The following SFXN4 variants were observed in gnomAD, a reference collection of about 807,000 sequenced individuals.
SFXN4 encodes sideroflexin 4.
In SFXN4, 48 loss-of-function variants were observed where a neutral mutation model predicts 54.6. That is an observed-to-expected ratio of 0.88 (90% CI 0.70 to 1.12). The LOEUF (loss-of-function observed/expected upper bound fraction) is 1.12. Among genes scored for constraint, SFXN4 ranks in the 50% most tolerant of loss-of-function variants. SFXN4 has a pLI of 0.00. For missense variants in SFXN4, 383 were observed against 409.2 expected (o/e 0.94, Z 0.55); for synonymous variants, 130 against 145.5 (o/e 0.89, Z 0.77).
chr10:119,157,554 C>T, intron 9 of SFXN4, 114 bp downstream of exon 9: 1 of 838,640 alleles, frequency 1.2e-6, no homozygotes, highest in Non-Finnish European at 1.9e-6. Context: ...CTTTTATTTC[C>T]TAGTCATATT....
At chr10:119,141,340 T>A (rs1041674765) in intron 13 of SFXN4, 21 bp from the exon 14 acceptor site, 7 of 1,448,762 alleles carry the variant, frequency 4.8e-6, no homozygotes, top group Non-Finnish European at 6.7e-6. Flanking sequence ...GTTAAATTCA[T>A]AATGTTTCTA....
In SFXN4 at chr10:119,165,592, T is replaced by C; in HGVS notation, c.56A>G (p.Asp19Gly). 1 of 1,594,054 alleles carries C rather than the reference T, an allele frequency of 6.3e-7. No homozygotes were observed. Among genetic ancestry groups the C allele is most frequent in the South Asian group, 1.1e-5 (1 of 90,418 alleles). Reference sequence around the variant, plus strand: ...GGGCTCAATGAAGGCGGGGACGGCGTCTCTGCGTCCTAGGAGCCGCCCAGG... The same window carrying C: ...GGGCTCAATGAAGGCGGGGACGGCGCCTCTGCGTCCTAGGAGCCGCCCAGG... ...TQPGRLLGRR[D>G]AVPAFIEPNV... Residue 19 changes from aspartate (D) to glycine (G), a missense_variant, in exon 1 of 14, where the codon GAC becomes GGC. Asp to Gly is a moderately conservative substitution (Grantham distance 94). Coordinates refer to ENST00000355697, the MANE Select transcript of SFXN4 (RefSeq NM_213649.2).
At position 119,146,349 on chromosome 10, in the gene SFXN4, G is replaced by T. The variant is rs1342467022; in HGVS notation, c.823C>A (p.Gln275Lys). The T allele has an allele frequency of 6.3e-7, 1 of 1,599,468 alleles. No homozygotes were observed. Among genetic ancestry groups the T allele is most frequent in the African/African-American group, 1.3e-5 (1 of 74,700 alleles). The change falls in exon 13 of 14, where the codon CAG becomes AAG. Residue 275 changes from glutamine to lysine, a missense_variant. Transcript: ENST00000355697. The stretch of plus-strand genomic sequence containing the variant: ...GACCCTGGGTTTTTCCTGAAATACT[G>T]GGTCCTGTAAGAGACAAGGCATGGC... The part of the protein sequence containing the change: ...EVFTYFFKRT[Q>K]YFRKNPGSLW...
intron 6 of SFXN4, among the ~76,000 whole-genome samples, chr10:119,159,503 C>T (rs1847427454): frequency 6.6e-6 from 1 of 151,530 alleles, no homozygotes; most frequent in Non-Finnish European, 1.5e-5. Context: ...AGCTGTGGGC[C>T]TTCCAGAGGC....
chr10:119,162,621 CAG>C (rs1311518778), intron 2 of SFXN4, among the ~76,000 whole-genome samples: 9 of 152,100 alleles, frequency 5.9e-5, no homozygotes. Flanking sequence ...CTAGATGCTC[CAG>C]CAGCTGCCCC....
chr10:119,145,550 C>T (rs373482364), intron 13 of SFXN4, among the ~76,000 whole-genome samples: 14 of 152,132 alleles, frequency 9.2e-5, no homozygotes, highest in East Asian at 1.9e-4. Context: ...GTTATCTGCC[C>T]GCCTCAGCGT....
At chr10:119,146,848 G>C (rs1025965963) in intron 12 of SFXN4, among the ~76,000 whole-genome samples, 1 of 152,128 alleles carries the variant, frequency 6.6e-6, no homozygotes, top group Non-Finnish European at 1.5e-5. Context: ...GATTACAGGC[G>C]TGAGCCACCG....
At position 119,156,727 on chromosome 10, in the gene SFXN4, A is replaced by G; in HGVS notation, c.567T>C (p.Tyr189=). The change falls in exon 10 of 14, where the codon TAT becomes TAC. Residue 189 remains tyrosine, a synonymous_variant. Coordinates refer to ENST00000355697, the MANE Select transcript of SFXN4 (RefSeq NM_213649.2). The stretch of plus-strand genomic sequence containing the variant: ...TTTTAATCCAAGGGCCAGTCAGGCC[A>G]TACTTCATCTGGACAAACTGAGGGA... The part of the protein sequence containing the change: ...GVIPQFVQMK[Y]GLTGPWIKRL... The G allele has an allele frequency of 1.9e-6, 3 of 1,611,510 alleles. No individual in the cohort carries two copies. Among genetic ancestry groups the G allele is most frequent in the Non-Finnish European group, 2.5e-6 (3 of 1,178,646 alleles).
intron 11 of SFXN4, among the ~76,000 whole-genome samples, chr10:119,150,496 G>A (rs1374631134): frequency 6.6e-6 from 1 of 152,070 alleles, no homozygotes; most frequent in African/African-American, 2.4e-5. Context: ...GGGCAACATA[G>A]CGAGACCCCA....
At chr10:119,158,455 G>A (rs1847364855) in intron 6 of SFXN4, among the ~76,000 whole-genome samples, 1 of 150,438 alleles carries the variant, frequency 6.6e-6, no homozygotes, top group Non-Finnish European at 1.5e-5. Context: ...CCGTCTCTAC[G>A]AAAAACAGAA....
Position 119,164,528 on chromosome 10 carries a change from T to C in SFXN4, c.112-332A>G, listed in dbSNP as rs77968397. ...AATGGTCTTACGTTCATATCTCACA[T>C]ACGACCTCGAAGCAATGGCCTAGAA... On this transcript the variant is annotated intron_variant, in intron 1 of 13. Coordinates refer to ENST00000355697, the MANE Select transcript of SFXN4 (RefSeq NM_213649.2). Among the ~76,000 whole-genome samples the C allele has an allele frequency of 5.4e-3, 820 of 152,244 alleles. 11 individuals are homozygous for C. The highest frequency in any genetic ancestry group is 0.028 in the South Asian group (134 of 4,822).
Position 119,160,897 on chromosome 10 carries a change from A to G in SFXN4, c.334+18T>C. 2.5e-6 allele frequency: 4 copies of G among 1,613,844 alleles called. No homozygotes were observed. The South Asian group carries it at 4.4e-5, about 18-fold the overall frequency. ...CTACATCTTCCCAACCCACTTCTGAAAATTAGAACCAACTCACCTGCAGGT... is the reference window on the plus strand; with the variant it reads ...CTACATCTTCCCAACCCACTTCTGAGAATTAGAACCAACTCACCTGCAGGT... On this transcript the variant is annotated intron_variant, in intron 5 of 13. Transcript: ENST00000355697.
At chr10:119,149,911 G>T (rs1352300289) in intron 11 of SFXN4, among the ~76,000 whole-genome samples, 1 of 152,226 alleles carries the variant, frequency 6.6e-6, no homozygotes, top group Non-Finnish European at 1.5e-5. Flanking sequence ...CTCCAAGTGA[G>T]ACGCCGTCAT....
At chr10:119,145,558 C>T (rs1247075110) in intron 13 of SFXN4, among the ~76,000 whole-genome samples, 6 of 152,082 alleles carry the variant, frequency 3.9e-5, no homozygotes, top group East Asian at 1.9e-4. Flanking sequence ...CCCGCCTCAG[C>T]GTCCCAAAGT....
At position 119,141,006 on chromosome 10, in the gene SFXN4, C is replaced by A. The variant is rs572748734; in HGVS notation, c.*236G>T. On this transcript the variant is annotated 3_prime_UTR_variant, in exon 14 of 14. Transcript: ENST00000355697. The stretch of plus-strand genomic sequence containing the variant: ...CAGGCCGATCCCCACTCCAACCGTT[C>A]CCTCAGCAACCCCAGGGGTGTCAGA... 11 of 426,642 alleles carry A rather than the reference C, an allele frequency of 2.6e-5. No individual in the cohort carries two copies. In the East Asian group the frequency reaches 4.2e-4, roughly 16 times the overall value. 26.4% of individuals were successfully genotyped at this position (426,642 alleles called of 1,614,324 possible).
At chr10:119,154,447 G>A (rs1228433865) in intron 11 of SFXN4, among the ~76,000 whole-genome samples, 2 of 152,204 alleles carry the variant, frequency 1.3e-5, no homozygotes, top group Non-Finnish European at 2.9e-5. Flanking sequence ...AGCACTTTGG[G>A]AGGCCACGGT....
intron 12 of SFXN4, 95 bp from the exon 13 acceptor site, chr10:119,146,448 TGTGTGTGTGTGTGCAC>T: frequency 1.0e-5 from 6 of 587,364 alleles, no homozygotes; most frequent in Non-Finnish European, 1.5e-5. Flanking sequence ...TGTGTGTGTG[TGTGTGTGTGTGTGCAC>T]GTGTGTGTGT....
At chr10:119,159,819 G>C in intron 5 of SFXN4, 66 bp from the exon 6 acceptor site, 2 of 1,556,336 alleles carry the variant, frequency 1.3e-6, no homozygotes, top group Non-Finnish European at 1.8e-6. Flanking sequence ...GGCCAGAAGG[G>C]GACTACCCAC....
chr10:119,162,512 G>A, intron 2 of SFXN4, 98 bp from the exon 3 acceptor site: 2 of 904,984 alleles, frequency 2.2e-6, no homozygotes, highest in Admixed American at 4.1e-5. Context: ...GCATGCACTG[G>A]ACTTCGACTG....
Sources: allele counts gnomAD v4.1 joint callset (sites outside exome capture counted in the v4.1 genomes callset), GRCh38; gene constraint gnomAD v4.1.1; transcripts MANE v1.5; gene names NCBI Gene and HGNC (gene_info 2026-07-23, HGNC 2026-07-21).